Variants in ITGA8 observed in about 807,000 individuals in gnomAD.
ITGA8 encodes the protein integrin alpha-8.
In ITGA8, 91 loss-of-function variants were observed where a neutral mutation model predicts 142.3. That is an observed-to-expected ratio of 0.64 (90% CI 0.54 to 0.76). The LOEUF is 0.76. Among genes scored for constraint, ITGA8 ranks in the 30% least tolerant of loss-of-function variants. The pLI is 0.00. For missense variants in ITGA8, 1,406 were observed against 1,327.7 expected, an observed-to-expected ratio of 1.06 and a Z score of -0.92; for synonymous variants, 505 against 485.2, an observed-to-expected ratio of 1.04 and a Z score of -0.54.
At chr10:15,544,284 TGA>T (rs1833628282) in intron 27 of ITGA8, among the ~76,000 whole-genome samples, 1 of 151,344 alleles carries the variant, frequency 6.6e-6, no homozygotes, top group African/African-American at 2.5e-5. Context: ...GATGACATAG[TGA>T]GACCCTGTCT....
At chr10:15,717,493 TTC>T (rs1835475769) in intron 2 of ITGA8, among the ~76,000 whole-genome samples, 1 of 152,152 alleles carries the variant, frequency 6.6e-6, no homozygotes, top group Non-Finnish European at 1.5e-5. Context: ...ATTAAAAGAT[TTC>T]TGTCACAAAT....
chr10:15,549,298 C>T (rs552413864), intron 26 of ITGA8, among the ~76,000 whole-genome samples: 28 of 146,648 alleles, frequency 1.9e-4, no homozygotes, highest in African/African-American at 7.3e-4. Context: ...GCAACCTCTG[C>T]TTTCTGGGTT....
intron 27 of ITGA8, among the ~76,000 whole-genome samples, chr10:15,547,079 T>C (rs1833687288): frequency 6.6e-6 from 1 of 152,136 alleles, no homozygotes; most frequent in South Asian, 2.1e-4. Context: ...TGATTTTTCA[T>C]GGCACAATAA....
intron 13 of ITGA8, among the ~76,000 whole-genome samples, chr10:15,631,262 C>G (rs1833680179): frequency 6.6e-6 from 1 of 151,948 alleles, no homozygotes; most frequent in Non-Finnish European, 1.5e-5. Flanking sequence ...AAGACACATG[C>G]ACACATATGT....
At position 15,592,180 on chromosome 10, in the gene ITGA8, T is replaced by C. The variant is rs9333176; in HGVS notation, c.2291+45A>G. ...TGACATCATTTCACTGTGGATCTCTTTTCTTTTGACTGCTGTCAACGATAT... is the reference window on the plus strand; with the variant it reads ...TGACATCATTTCACTGTGGATCTCTCTTCTTTTGACTGCTGTCAACGATAT... On this transcript the variant is annotated intron_variant, in intron 22 of 29. Coordinates refer to ENST00000378076, the MANE Select transcript of ITGA8 (RefSeq NM_003638.3). 10 of 1,429,536 alleles carry C rather than the reference T, an allele frequency of 7.0e-6. No individual in the cohort carries two copies. The African/African-American group carries it at 1.4e-4, about 20-fold the overall frequency. 88.6% of individuals were successfully genotyped at this position (1,429,536 alleles called of 1,614,324 possible).
At chr10:15,708,497 G>A (rs909613946) in intron 2 of ITGA8, among the ~76,000 whole-genome samples, 3 of 152,106 alleles carry the variant, frequency 2.0e-5, no homozygotes, top group Non-Finnish European at 4.4e-5. Flanking sequence ...TCCTTGCCAT[G>A]TGTCTATTCA....
At chr10:15,694,678 C>CATAT (rs71374639) in intron 2 of ITGA8, among the ~76,000 whole-genome samples, 1,171 of 77,494 alleles carry the variant, frequency 0.015, 39 homozygotes, top group African/African-American at 0.048. Flanking sequence ...TATTTGTCGA[C>CATAT]ATATATATAT....
In ITGA8 at chr10:15,580,304, G is replaced by A. The variant is rs112997887; in HGVS notation, c.2373-4710C>T. Among the ~76,000 whole-genome samples the A allele has an allele frequency of 3.8e-3, 583 of 152,066 alleles. 5 individuals are homozygous for A. Among genetic ancestry groups the A allele is most frequent in the African/African-American group, 0.014 (561 of 41,538 alleles). Reference sequence around the variant, plus strand: ...GATGAAATAGACAAATTCCTTTAATGAGAAACTACCAAAGCCCATTTAAAT... The same window carrying A: ...GATGAAATAGACAAATTCCTTTAATAAGAAACTACCAAAGCCCATTTAAAT... On this transcript the variant is annotated intron_variant, in intron 23 of 29. Coordinates refer to ENST00000378076, the MANE Select transcript of ITGA8 (RefSeq NM_003638.3).
At chr10:15,601,126 C>G (rs192834334) in intron 20 of ITGA8, among the ~76,000 whole-genome samples, 14 of 152,094 alleles carry the variant, frequency 9.2e-5, no homozygotes, top group Admixed American at 9.2e-4. Flanking sequence ...GTAATCCCAG[C>G]TACCCGGGAG....
At chr10:15,712,238 G>GT (rs966124442) in intron 2 of ITGA8, among the ~76,000 whole-genome samples, 32 of 152,100 alleles carry the variant, frequency 2.1e-4, no homozygotes, top group Non-Finnish European at 4.1e-4. Flanking sequence ...ATGAATGAGT[G>GT]TTTTTTTAAT....
At chr10:15,615,588 A>G (rs535694859) in intron 14 of ITGA8, among the ~76,000 whole-genome samples, 46 of 152,276 alleles carry the variant, frequency 3.0e-4, no homozygotes, top group African/African-American at 1.1e-3. Flanking sequence ...ATCTCTGCTC[A>G]CTACAACCTC....
At chr10:15,712,823 A>T (rs1835386624) in intron 2 of ITGA8, among the ~76,000 whole-genome samples, 1 of 152,182 alleles carries the variant, frequency 6.6e-6, no homozygotes, top group African/African-American at 2.4e-5. Context: ...CTTTCAGAAT[A>T]ATTTCAAGAC....
At position 15,549,201 on chromosome 10, in the gene ITGA8, G is replaced by GTTTTTTTTTTTTTTTTTTTTTTTTT. The variant is rs67683436; in HGVS notation, c.2767-658_2767-634dup. On this transcript the variant is annotated intron_variant, in intron 26 of 29. Transcript: ENST00000378076. ...TTCTTTCTTTTTTCTTTTCTTTTCT[G>GTTTTTTTTTTTTTTTTTTTTTTTTT]TTTTTTTTTTTTTTTTTTTTTTTTT... Among the ~76,000 whole-genome samples, 41 of 107,332 alleles carry GTTTTTTTTTTTTTTTTTTTTTTTTT rather than the reference G, an allele frequency of 3.8e-4. 7 individuals are homozygous for GTTTTTTTTTTTTTTTTTTTTTTTTT. The highest frequency in any genetic ancestry group is 1.3e-3 in the African/African-American group (24 of 18,674). 70.4% of individuals were successfully genotyped at this position (107,332 alleles called of 152,430 possible).
At chr10:15,630,437 C>T (rs865884377) in intron 13 of ITGA8, among the ~76,000 whole-genome samples, 14 of 152,090 alleles carry the variant, frequency 9.2e-5, no homozygotes, top group Non-Finnish European at 1.5e-4. Flanking sequence ...ACGCCAAATC[C>T]ACTCCCAGTC....
chr10:15,543,270 T>C (rs1174953083), intron 27 of ITGA8, among the ~76,000 whole-genome samples: 1 of 152,244 alleles, frequency 6.6e-6, no homozygotes, highest in Non-Finnish European at 1.5e-5. Flanking sequence ...CTCTGTCTAA[T>C]GTTAGTCAGG....
At chr10:15,703,602 A>G (rs1835204268) in intron 2 of ITGA8, among the ~76,000 whole-genome samples, 1 of 152,172 alleles carries the variant, frequency 6.6e-6, no homozygotes, top group African/African-American at 2.4e-5. Flanking sequence ...CAAAACCCCC[A>G]AGTATGATGC....
At chr10:15,619,458 G>A (rs570951673) in intron 13 of ITGA8, among the ~76,000 whole-genome samples, 1 of 152,192 alleles carries the variant, frequency 6.6e-6, no homozygotes, top group South Asian at 2.1e-4. Context: ...TCGAACAGAC[G>A]TCATCTAAAG....
chr10:15,605,086 G>C (rs969799722), intron 19 of ITGA8, among the ~76,000 whole-genome samples: 1 of 152,198 alleles, frequency 6.6e-6, no homozygotes, highest in Admixed American at 6.5e-5. Flanking sequence ...CAGTGAGATA[G>C]TTCCTGGGAG....
intron 22 of ITGA8, among the ~76,000 whole-genome samples, chr10:15,590,772 A>C (rs971554717): frequency 2.0e-5 from 3 of 152,244 alleles, no homozygotes; most frequent in Non-Finnish European, 4.4e-5. Context: ...AAAATGAAGG[A>C]ATATTACAGA....
Sources: gnomAD v4.1 joint callset for allele counts (sites outside exome capture counted in the v4.1 genomes callset) on GRCh38, gnomAD v4.1.1 for gene constraint, MANE v1.5 for transcripts, NCBI Gene and HGNC (gene_info 2026-07-23, HGNC 2026-07-21) for gene names.